Variants in RAP1GDS1 observed in about 807,000 individuals in gnomAD.
RAP1GDS1 encodes RAP1, GTP-GDP dissociation stimulator 1.
RAP1GDS1 carries 35 observed loss-of-function variants against 71.1 expected under a neutral mutation model. The observed-to-expected ratio is 0.49, with a 90% CI of 0.38 to 0.65. The LOEUF (loss-of-function observed/expected upper bound fraction) is 0.65, where lower values mean the gene tolerates loss of function less well. RAP1GDS1 is among the 30% of genes least tolerant of loss of function. The probability of loss-of-function intolerance (pLI) is 0.00; values close to 1 mark genes in which losing one functional copy is unlikely to be tolerated. For missense variants in RAP1GDS1, 663 were observed against 706.1 expected, an observed-to-expected ratio of 0.94 and a Z score of 0.69; for synonymous variants, 229 against 243.1, an observed-to-expected ratio of 0.94 and a Z score of 0.54.
At chr4:98,363,633 T>G (rs1739080718) in intron 4 of RAP1GDS1, among the ~76,000 whole-genome samples, 1 of 152,098 alleles carries the variant, frequency 6.6e-6, no homozygotes, top group Non-Finnish European at 1.5e-5. Flanking sequence ...ACAAAAGTGT[T>G]GATGATAGAA....
At chr4:98,284,722 C>G (rs931389258) in intron 1 of RAP1GDS1, among the ~76,000 whole-genome samples, 1 of 152,130 alleles carries the variant, frequency 6.6e-6, no homozygotes, top group African/African-American at 2.4e-5. Flanking sequence ...ATGCTGCTTC[C>G]GCTCTGATTG....
rs192591501 is a variant in RAP1GDS1, at chr4:98,372,672, A to G, written c.362-6345A>G. ...TTTTTACATATGTTAGAAATCCCAA[A>G]TATATTGATGTTATTTTTACTTAAA... On this transcript the variant is annotated intron_variant, in intron 4 of 14. Coordinates refer to ENST00000408927, the MANE Select transcript of RAP1GDS1 (RefSeq NM_001100427.2). Among the ~76,000 whole-genome samples, 436 of 152,130 alleles carry G rather than the reference A, an allele frequency of 2.9e-3. 1 individual carries two copies. Among genetic ancestry groups the G allele is most frequent in the African/African-American group, 1.0e-2 (413 of 41,492 alleles).
intron 2 of RAP1GDS1, among the ~76,000 whole-genome samples, chr4:98,311,005 C>T (rs976638626): frequency 4.6e-5 from 7 of 152,224 alleles, no homozygotes; most frequent in East Asian, 1.9e-4. Context: ...ATTGTTAAAT[C>T]GTAAATACTT....
At chr4:98,429,343 AT>A (rs753151337) in intron 12 of RAP1GDS1, among the ~76,000 whole-genome samples, 58 of 152,296 alleles carry the variant, frequency 3.8e-4, no homozygotes, top group Admixed American at 1.8e-3. Context: ...GAATGAATTA[AT>A]GGCATTCGCA....
intron 4 of RAP1GDS1, among the ~76,000 whole-genome samples, chr4:98,370,074 A>T (rs541934550): frequency 6.7e-6 from 1 of 148,564 alleles, no homozygotes; most frequent in Non-Finnish European, 1.5e-5. Context: ...TGCTTAAATT[A>T]TATGTTTTCC....
At chr4:98,393,700 G>A (rs1308342789) in intron 6 of RAP1GDS1, among the ~76,000 whole-genome samples, 2 of 152,090 alleles carry the variant, frequency 1.3e-5, no homozygotes, top group Non-Finnish European at 2.9e-5. Context: ...CCAGCCATGT[G>A]GCTTAATGGG....
chr4:98,332,606 G>A (rs943275420), intron 2 of RAP1GDS1, among the ~76,000 whole-genome samples: 1 of 152,176 alleles, frequency 6.6e-6, no homozygotes, highest in Non-Finnish European at 1.5e-5. Flanking sequence ...AAACTTCTGA[G>A]CTATGAATAT....
intron 4 of RAP1GDS1, among the ~76,000 whole-genome samples, chr4:98,377,847 G>A (rs1235990143): frequency 1.3e-5 from 2 of 151,788 alleles, no homozygotes; most frequent in East Asian, 1.9e-4. Flanking sequence ...TAGCTGAATA[G>A]TACAGTGTGG....
chr4:98,362,617 A>T (rs1738905389), intron 4 of RAP1GDS1, among the ~76,000 whole-genome samples: 1 of 152,206 alleles, frequency 6.6e-6, no homozygotes, highest in South Asian at 2.1e-4. Flanking sequence ...GCAGATCAGA[A>T]TGGCCAGTAT....
chr4:98,382,251 A>G (rs1742127315), intron 5 of RAP1GDS1, among the ~76,000 whole-genome samples: 2 of 151,698 alleles, frequency 1.3e-5, no homozygotes, highest in African/African-American at 4.8e-5. Flanking sequence ...AGCAAAAGTT[A>G]TAATTGCTTA....
intron 2 of RAP1GDS1, among the ~76,000 whole-genome samples, chr4:98,315,127 CAAATGTT>C (rs1467170646): frequency 1.3e-5 from 2 of 152,136 alleles, no homozygotes; most frequent in African/African-American, 4.8e-5. Flanking sequence ...TAACTCCACT[CAAATGTT>C]ACCTTATTTG....
chr4:98,276,925 T>C (rs1045842012), intron 1 of RAP1GDS1, among the ~76,000 whole-genome samples: 2 of 152,098 alleles, frequency 1.3e-5, no homozygotes, highest in Non-Finnish European at 2.9e-5. Flanking sequence ...AATGATGATA[T>C]TATGGTTCTC....
intron 2 of RAP1GDS1, among the ~76,000 whole-genome samples, chr4:98,299,641 G>T (rs1026435714): frequency 2.2e-4 from 32 of 145,132 alleles, no homozygotes; most frequent in Admixed American, 1.7e-3. Flanking sequence ...ATTTGCTTTG[G>T]TTTTTTTTTT....
At chr4:98,326,506 T>TTA (rs1262711836) in intron 2 of RAP1GDS1, among the ~76,000 whole-genome samples, 2 of 152,252 alleles carry the variant, frequency 1.3e-5, no homozygotes, top group East Asian at 3.8e-4. Context: ...TAAAAACATT[T>TTA]TGGCTTTATT....
chr4:98,384,769 A>T lies in RAP1GDS1; in HGVS notation c.508+5606A>T, dbSNP rs114764778. On this transcript the variant is annotated intron_variant, in intron 5 of 14. Coordinates refer to ENST00000408927, the MANE Select transcript of RAP1GDS1 (RefSeq NM_001100427.2). ...ATGTAAGAAGCTGAAATTTTATCTT[A>T]GAAAAATAAAATTATTATAGTCTTT... Among the ~76,000 whole-genome samples the T allele has an allele frequency of 9.1e-3, 1,386 of 151,826 alleles. 23 individuals carry two copies. The highest frequency in any genetic ancestry group is 0.032 in the African/African-American group (1,316 of 41,542).
At chr4:98,349,086 T>C (rs1736748093) in intron 3 of RAP1GDS1, among the ~76,000 whole-genome samples, 1 of 152,146 alleles carries the variant, frequency 6.6e-6, no homozygotes, top group South Asian at 2.1e-4. Context: ...TCTTCTAGGG[T>C]TTTTATGGTT....
rs189605652 is a variant in RAP1GDS1, at chr4:98,264,124, A to G, written c.4+2555A>G. Among the ~76,000 whole-genome samples the G allele has an allele frequency of 2.6e-5, 4 of 152,252 alleles. No homozygotes were observed. The East Asian group carries it at 7.7e-4, about 29-fold the overall frequency. ...AAATAAATAAGGTTGATTTTTAAAG[A>G]TAGTCTCAGCCGGGCGCGCACTTTG... On this transcript the variant is annotated intron_variant, in intron 1 of 14. Coordinates refer to ENST00000408927, the MANE Select transcript of RAP1GDS1 (RefSeq NM_001100427.2).
At chr4:98,320,426 G>T (rs573298085) in intron 2 of RAP1GDS1, among the ~76,000 whole-genome samples, 4 of 151,278 alleles carry the variant, frequency 2.6e-5, no homozygotes, top group East Asian at 3.9e-4. Context: ...GAATGATTCA[G>T]TGTAGGGGGG....
chr4:98,296,665 T>G (rs1031771164), intron 2 of RAP1GDS1, among the ~76,000 whole-genome samples: 23 of 152,270 alleles, frequency 1.5e-4, no homozygotes, highest in African/African-American at 5.3e-4. Flanking sequence ...TGATTCAGAT[T>G]ATAGTTAGAA....
Sources: gnomAD v4.1 joint callset for allele counts (sites outside exome capture counted in the v4.1 genomes callset) on GRCh38, gnomAD v4.1.1 for gene constraint, MANE v1.5 for transcripts, NCBI Gene and HGNC (gene_info 2026-07-23, HGNC 2026-07-21) for gene names.